XYLT1: variants seen among roughly 807,000 people sequenced by gnomAD.
XYLT1 encodes the protein beta-D-xylosyltransferase 1.
Under a neutral mutation model 91.3 loss-of-function variants are expected in XYLT1, and 36 were observed. The observed-to-expected ratio is 0.39, with a 90% CI of 0.30 to 0.52. XYLT1 has a LOEUF of 0.52. Among genes scored for constraint, XYLT1 ranks in the 20% least tolerant of loss-of-function variants. The pLI is 0.68. For missense variants in XYLT1, 1,242 were observed against 1,284.5 expected (o/e 0.97, Z 0.51); for synonymous variants, 588 against 532.0 (o/e 1.11, Z -1.45).
At chr16:17,348,283 T>C (rs551170427) in intron 2 of XYLT1, among the ~76,000 whole-genome samples, 2 of 152,116 alleles carry the variant, frequency 1.3e-5, no homozygotes, top group East Asian at 3.9e-4. Flanking sequence ...CACCTCCCAC[T>C]ATCCCTGAGC....
intron 10 of XYLT1, among the ~76,000 whole-genome samples, chr16:17,121,509 T>A (rs8045261): frequency 6.6e-6 from 1 of 151,952 alleles, no homozygotes; most frequent in Non-Finnish European, 1.5e-5. Flanking sequence ...CTTAACATAC[T>A]GCTCCCTGGC....
At chr16:17,379,100 A>AT (rs2035638388) in intron 1 of XYLT1, among the ~76,000 whole-genome samples, 1 of 152,230 alleles carries the variant, frequency 6.6e-6, no homozygotes, top group South Asian at 2.1e-4. Flanking sequence ...AAAAAAGTGC[A>AT]TATTTCTTCC....
At chr16:17,263,155 G>A (rs1043851365) in intron 2 of XYLT1, among the ~76,000 whole-genome samples, 3 of 151,958 alleles carry the variant, frequency 2.0e-5, no homozygotes, top group Non-Finnish European at 4.4e-5. Context: ...TTATCAGCAA[G>A]TTTCCCCGCC....
rs563024390 is a variant in XYLT1 at position 17,459,558 on chromosome 16, T to C, written c.363+10876A>G. Reference sequence around the variant, plus strand: ...TTTAGGACTACTATGGCAAAAGGCATGATCCAAAATAAATCCTTACCCCTG... The same window carrying C: ...TTTAGGACTACTATGGCAAAAGGCACGATCCAAAATAAATCCTTACCCCTG... On this transcript the variant is annotated intron_variant, in intron 1 of 11. Transcript: ENST00000261381. Among the ~76,000 whole-genome samples, 6 of 152,316 alleles carry C rather than the reference T, an allele frequency of 3.9e-5. No individual in the cohort carries two copies. In the Middle Eastern group the frequency reaches 0.01, roughly 259 times the overall value.
At chr16:17,377,175 T>TCACACACCCACACACACACACACACACC (rs2035612992) in intron 1 of XYLT1, among the ~76,000 whole-genome samples, 1 of 150,830 alleles carries the variant, frequency 6.6e-6, no homozygotes, top group African/African-American at 2.5e-5. Context: ...AGACTCTGCC[T>TCACACACCCACACACACACACACACACC]CACACACACA....
At chr16:17,291,749 A>T (rs1038742094) in intron 2 of XYLT1, among the ~76,000 whole-genome samples, 4 of 152,240 alleles carry the variant, frequency 2.6e-5, no homozygotes, top group African/African-American at 9.6e-5. Flanking sequence ...CGCAATAGCT[A>T]TTTATTCCTG....
Position 17,158,817 on chromosome 16 carries a change from T to C in XYLT1, c.1370+12A>G. 2.5e-6 allele frequency: 4 copies of C among 1,613,814 alleles called. No homozygotes were observed. The highest frequency in any genetic ancestry group is 3.4e-6 in the Non-Finnish European group (4 of 1,179,786). On this transcript the variant is annotated intron_variant, in intron 6 of 11. Transcript: ENST00000261381. ...TTTCCATTTTGTACAGGGGTAGGGG[T>C]TGAGGTGCTACCTTGCATTGTCCCG...
intron 1 of XYLT1, among the ~76,000 whole-genome samples, chr16:17,397,957 G>A (rs1228962934): frequency 6.6e-6 from 1 of 151,624 alleles, no homozygotes; most frequent in African/African-American, 2.4e-5. Context: ...TGAGTAGCTG[G>A]GATTACAGGC....
intron 2 of XYLT1, among the ~76,000 whole-genome samples, chr16:17,336,918 C>T (rs1477372601): frequency 1.3e-5 from 2 of 152,142 alleles, no homozygotes; most frequent in Non-Finnish European, 2.9e-5. Flanking sequence ...AAGCCAGTGA[C>T]CATTTTTTTA....
At chr16:17,186,892 T>G (rs2032195297) in intron 5 of XYLT1, among the ~76,000 whole-genome samples, 1 of 152,010 alleles carries the variant, frequency 6.6e-6, no homozygotes, top group Non-Finnish European at 1.5e-5. Context: ...TGGGTGGGGA[T>G]GAAGGGCATC....
intron 2 of XYLT1, among the ~76,000 whole-genome samples, chr16:17,275,070 G>A (rs939759483): frequency 2.6e-5 from 4 of 151,988 alleles, no homozygotes; most frequent in Admixed American, 1.3e-4. Context: ...CCAGCTACTC[G>A]GGAGGCTGAG....
At chr16:17,287,483 C>T (rs2050042373) in intron 2 of XYLT1, among the ~76,000 whole-genome samples, 1 of 152,160 alleles carries the variant, frequency 6.6e-6, no homozygotes, top group Non-Finnish European at 1.5e-5. Flanking sequence ...CAGCCGGTAC[C>T]GCATGTGGCC....
At chr16:17,122,405 C>T (rs144430335) in intron 10 of XYLT1, among the ~76,000 whole-genome samples, 38 of 152,264 alleles carry the variant, frequency 2.5e-4, no homozygotes, top group Admixed American at 8.5e-4. Context: ...CTTTTGAGAA[C>T]GGTCTATTCA....
chr16:17,420,800 C>A (rs1348545227), intron 1 of XYLT1, among the ~76,000 whole-genome samples: 2 of 152,154 alleles, frequency 1.3e-5, no homozygotes, highest in Admixed American at 6.5e-5. Context: ...CAGGGCTTAG[C>A]TTTGAAGAAA....
intron 2 of XYLT1, among the ~76,000 whole-genome samples, chr16:17,321,735 A>G (rs2034725401): frequency 6.6e-6 from 1 of 152,132 alleles, no homozygotes; most frequent in Non-Finnish European, 1.5e-5. Flanking sequence ...GGCAATGTCC[A>G]TAGACATTGT....
rs2036354407 is a variant in XYLT1 at position 17,428,978 on chromosome 16, C to T, written c.363+41456G>A. Among the ~76,000 whole-genome samples, 4 of 152,170 alleles carry T rather than the reference C, an allele frequency of 2.6e-5. No homozygotes were observed. The South Asian group carries it at 8.3e-4, about 31-fold the overall frequency. ...ATGCAGGGCCATTGGGAAGCTTCCA[C>T]AGGGACCTGTGGCCTAAAAACCCCA... is the stretch of plus-strand genomic sequence containing the variant. On this transcript the variant is annotated intron_variant, in intron 1 of 11. Transcript: ENST00000261381.
intron 1 of XYLT1, among the ~76,000 whole-genome samples, chr16:17,365,021 C>T (rs1450716797): frequency 2.6e-5 from 4 of 152,148 alleles, no homozygotes; most frequent in Admixed American, 1.3e-4. Flanking sequence ...ACAAAGAATA[C>T]GATTCCTGCC....
chr16:17,288,638 G>A (rs1319667218), intron 2 of XYLT1, among the ~76,000 whole-genome samples: 1 of 152,184 alleles, frequency 6.6e-6, no homozygotes, highest in African/African-American at 2.4e-5. Flanking sequence ...AGGTAGCAGA[G>A]GTGACCCTAA....
In XYLT1 at chr16:17,141,378, G is replaced by A; in HGVS notation, c.1371-9C>T. ...CCTGCTTCCGAATGAACCTGGGAGG[G>A]AGAAAGCTGCCCTTAGCCCAGAGGT... On this transcript the variant is annotated splice_polypyrimidine_tract_variant and intron_variant, in intron 6 of 11. Coordinates refer to ENST00000261381, the MANE Select transcript of XYLT1 (RefSeq NM_022166.4). 2.5e-6 allele frequency: 4 copies of A among 1,613,086 alleles called. No individual in the cohort carries two copies. The highest frequency in any genetic ancestry group is 3.4e-6 in the Non-Finnish European group (4 of 1,179,316).
Sources: gnomAD v4.1 joint callset for allele counts (sites outside exome capture counted in the v4.1 genomes callset) on GRCh38, gnomAD v4.1.1 for gene constraint, MANE v1.5 for transcripts, NCBI Gene and HGNC (gene_info 2026-07-23, HGNC 2026-07-21) for gene names.